Variants in ARHGEF4 observed in about 807,000 individuals in gnomAD.
The protein encoded by ARHGEF4 is APC-stimulated guanine nucleotide exchange factor 1.
A neutral mutation model predicts 162.0 loss-of-function variants in ARHGEF4; 119 were observed. The ratio of observed to expected loss-of-function variants is 0.73; its 90% CI spans 0.63 to 0.86. ARHGEF4 has a LOEUF of 0.86. Ranked by LOEUF, ARHGEF4 falls within the 40% of genes least tolerant of loss-of-function variation. The pLI, the probability that ARHGEF4 is intolerant of heterozygous loss-of-function variation, is 0.00. For missense variants in ARHGEF4, 2,488 were observed against 2,456.0 expected (o/e 1.01, Z -0.28); for synonymous variants, 1,014 against 979.9 (o/e 1.03, Z -0.65).
intron 4 of ARHGEF4, among the ~76,000 whole-genome samples, chr2:131,017,668 CAG>C (rs1212318561): frequency 2.6e-5 from 4 of 152,254 alleles, no homozygotes; most frequent in South Asian, 2.1e-4. Context: ...AGCAGCAAGA[CAG>C]AGAGGGAGAG....
chr2:130,967,677 C>T (rs139161495), intron 4 of ARHGEF4, among the ~76,000 whole-genome samples: 21 of 152,318 alleles, frequency 1.4e-4, no homozygotes, highest in African/African-American at 3.8e-4. Flanking sequence ...GTAGATGAAT[C>T]ATACACATTT....
intron 3 of ARHGEF4, among the ~76,000 whole-genome samples, chr2:130,939,688 T>C (rs1469147648): frequency 6.6e-6 from 1 of 152,248 alleles, no homozygotes; most frequent in Non-Finnish European, 1.5e-5. Flanking sequence ...GAAACAGTCA[T>C]CTTCATTATG....
chr2:130,856,674 T>C (rs1241734740), intron 1 of ARHGEF4, among the ~76,000 whole-genome samples: 1 of 152,206 alleles, frequency 6.6e-6, no homozygotes, highest in Non-Finnish European at 1.5e-5. Context: ...TTGGTGGACC[T>C]ATAGCATATA....
chr2:130,973,396 G>T, intron 4 of ARHGEF4, among the ~76,000 whole-genome samples: 1 of 152,208 alleles, frequency 6.6e-6, no homozygotes, highest in East Asian at 1.9e-4. Context: ...AGCTGAAGCA[G>T]GAGGATTACT....
At chr2:130,944,810 A>G (rs1683506521) in intron 3 of ARHGEF4, among the ~76,000 whole-genome samples, 1 of 152,110 alleles carries the variant, frequency 6.6e-6, no homozygotes, top group Admixed American at 6.6e-5. Flanking sequence ...TTTGTGTGTC[A>G]GGTAATTTTC....
rs769124274 is a variant in ARHGEF4 at position 131,040,382 on chromosome 2, A to G, written c.4604A>G (p.Gln1535Arg). 4 of 1,610,034 alleles carry G rather than the reference A, an allele frequency of 2.5e-6. No individual in the cohort carries two copies. Among genetic ancestry groups the G allele is most frequent in the Non-Finnish European group, 3.4e-6 (4 of 1,178,712 alleles). Reference protein sequence around the residue: ...CQKAFVKALEQRFNRERPHLS... With the variant: ...CQKAFVKALERRFNRERPHLS... The stretch of plus-strand genomic sequence containing the variant: ...AAGGCCTTCGTGAAGGCCCTGGAGC[A>G]GAGGTTCAACCGCGAGCGCCCACAC... The change falls in exon 8 of 14, where the codon CAG (glutamine) becomes CGG (arginine). Residue 1535 changes from glutamine to arginine, a missense_variant. Transcript: ENST00000409359.
intron 1 of ARHGEF4, among the ~76,000 whole-genome samples, chr2:130,874,034 C>G (rs1359041503): frequency 2.0e-5 from 3 of 152,202 alleles, no homozygotes; most frequent in African/African-American, 7.2e-5. Context: ...GGCCCAGCAG[C>G]TCAATTCCTC....
intron 4 of ARHGEF4, among the ~76,000 whole-genome samples, chr2:130,959,062 C>T (rs890020948): frequency 6.6e-6 from 1 of 151,974 alleles, no homozygotes; most frequent in Non-Finnish European, 1.5e-5. Flanking sequence ...CTGCCTCAGC[C>T]TCCCGAGTAG....
At position 130,915,897 on chromosome 2, in the gene ARHGEF4, G is replaced by C. The variant is rs528888965; in HGVS notation, c.1951G>C (p.Val651Leu). 2 of 1,550,344 alleles carry C rather than the reference G, an allele frequency of 1.3e-6. No homozygotes were observed. The highest frequency in any genetic ancestry group is 1.4e-5 in the African/African-American group (1 of 73,186). Reference protein sequence around the residue: ...LQASRSNAGPVPETLPRDFPK... With the variant: ...LQASRSNAGPLPETLPRDFPK... The stretch of plus-strand genomic sequence containing the variant: ...GGCCAGCAGGAGCAATGCGGGGCCT[G>C]TTCCAGAAACACTGCCCCGTGACTT... The change falls in exon 2 of 14, where the codon GTT becomes CTT. Residue 651 changes from valine to leucine, a missense_variant. Physicochemically the swap from Val to Leu is conservative, Grantham distance 32 (BLOSUM62 1). Transcript: ENST00000409359.
chr2:130,926,048 C>CTCTTTCTTTCTTTCTTTCTTTCTTTCTT (rs370694048), intron 2 of ARHGEF4, among the ~76,000 whole-genome samples: 12 of 53,456 alleles, frequency 2.2e-4, no homozygotes, highest in South Asian at 8.2e-4. Context: ...TTCTTTCTTT[C>CTCTTTCTTTCTTTCTTTCTTTCTTTCTT]TCTTTCTTTC....
intron 1 of ARHGEF4, among the ~76,000 whole-genome samples, chr2:130,880,115 C>T (rs1464396492): frequency 5.9e-5 from 9 of 152,196 alleles, no homozygotes; most frequent in Admixed American, 5.2e-4. Flanking sequence ...TGCAGCCTCT[C>T]GGCAGGTGGG....
chr2:130,928,244 G>A (rs563020507), intron 2 of ARHGEF4, among the ~76,000 whole-genome samples: 88 of 152,302 alleles, frequency 5.8e-4, no homozygotes, highest in African/African-American at 2.0e-3. Flanking sequence ...ATAAGTCAAT[G>A]TTTAGAGGTC....
intron 4 of ARHGEF4, among the ~76,000 whole-genome samples, chr2:131,002,276 A>G (rs1687819078): frequency 6.6e-6 from 1 of 152,196 alleles, no homozygotes; most frequent in Non-Finnish European, 1.5e-5. Flanking sequence ...CTGGAATTAG[A>G]CACTTAAAAA....
chr2:131,010,680 T>G (rs1349444214), intron 4 of ARHGEF4, among the ~76,000 whole-genome samples: 1 of 152,168 alleles, frequency 6.6e-6, no homozygotes, highest in Non-Finnish European at 1.5e-5. Context: ...CTTAGATTGG[T>G]CAGGAGCCCA....
At chr2:130,999,402 C>T (rs911301772) in intron 4 of ARHGEF4, among the ~76,000 whole-genome samples, 3 of 152,006 alleles carry the variant, frequency 2.0e-5, no homozygotes, top group South Asian at 2.1e-4. Flanking sequence ...GTGATCCGCC[C>T]GCCTTGGCCT....
chr2:130,867,732 T>C (rs1455490452), intron 1 of ARHGEF4, among the ~76,000 whole-genome samples: 1 of 152,004 alleles, frequency 6.6e-6, no homozygotes, highest in African/African-American at 2.4e-5. Context: ...ATCTGTGCCC[T>C]CATGCCCACT....
At chr2:130,902,763 G>A (rs945920736) in intron 1 of ARHGEF4, among the ~76,000 whole-genome samples, 5 of 152,108 alleles carry the variant, frequency 3.3e-5, no homozygotes, top group Non-Finnish European at 5.9e-5. Context: ...CCGTCCTGTC[G>A]GGTCCGTACC....
chr2:131,015,974 C>T lies in ARHGEF4; in HGVS notation c.3986-11971C>T, dbSNP rs145187705. On this transcript the variant is annotated intron_variant, in intron 4 of 13. Transcript: ENST00000409359. ...GAGCCACTGGGGAGCCTGCACCTGC[C>T]GTTTTGCCCGGGCAGGGACCACATG... Among the ~76,000 whole-genome samples the T allele has an allele frequency of 2.2e-3, 328 of 152,332 alleles. 2 individuals carry two copies. Among genetic ancestry groups the T allele is most frequent in the African/African-American group, 6.9e-3 (286 of 41,576 alleles).
chr2:130,934,853 AT>A (rs1682843685), intron 3 of ARHGEF4, among the ~76,000 whole-genome samples: 1 of 150,820 alleles, frequency 6.6e-6, no homozygotes, highest in Admixed American at 6.6e-5. Flanking sequence ...CAAAGTTTGT[AT>A]TTCTTATTGA....
Sources: allele counts gnomAD v4.1 joint callset (sites outside exome capture counted in the v4.1 genomes callset), GRCh38; gene constraint gnomAD v4.1.1; transcripts MANE v1.5; gene names NCBI Gene and HGNC (gene_info 2026-07-23, HGNC 2026-07-21).